The following PTPRD variants were observed in gnomAD, a reference collection of about 807,000 sequenced individuals.
PTPRD encodes the protein protein tyrosine phosphatase receptor type D, also known as receptor-type tyrosine-protein phosphatase delta.
Under a neutral mutation model 214.5 loss-of-function variants are expected in PTPRD, and 34 were observed. The ratio of observed to expected loss-of-function variants is 0.16; its 90% CI spans 0.12 to 0.21. PTPRD has a LOEUF of 0.21. Ranked by LOEUF, PTPRD falls within the 10% of genes least tolerant of loss-of-function variation. The probability of loss-of-function intolerance (pLI) is 1.00; values close to 1 mark genes in which losing one functional copy is unlikely to be tolerated. For missense variants in PTPRD, 2,545 were observed against 2,398.7 expected (o/e 1.06, Z -1.27); for synonymous variants, 1,128 against 845.7 (o/e 1.33, Z -5.79).
intron 3 of PTPRD, among the ~76,000 whole-genome samples, chr9:10,087,767 T>C (rs544908959): frequency 3.3e-5 from 5 of 151,828 alleles, no homozygotes; most frequent in Non-Finnish European, 5.9e-5. Flanking sequence ...GGGAAGCACT[T>C]GGCACCACTA....
intron 2 of PTPRD, among the ~76,000 whole-genome samples, chr9:10,408,782 C>T (rs2098403845): frequency 6.6e-6 from 1 of 151,640 alleles, no homozygotes; most frequent in Non-Finnish European, 1.5e-5. Context: ...ACTCAGTTGA[C>T]CTTTCCAAGT....
chr9:9,584,266 C>A (rs546794176), intron 7 of PTPRD, among the ~76,000 whole-genome samples: 5 of 151,716 alleles, frequency 3.3e-5, no homozygotes, highest in South Asian at 2.1e-4. Flanking sequence ...CTCAAATCTA[C>A]CCAATCTCAT....
At chr9:9,483,882 A>C (rs2095519349) in intron 8 of PTPRD, among the ~76,000 whole-genome samples, 1 of 151,850 alleles carries the variant, frequency 6.6e-6, no homozygotes, top group South Asian at 2.1e-4. Flanking sequence ...AAAATCAACA[A>C]AACAGCAATA....
chr9:9,722,548 T>C (rs577646618), intron 7 of PTPRD, among the ~76,000 whole-genome samples: 2 of 152,210 alleles, frequency 1.3e-5, no homozygotes, highest in South Asian at 4.1e-4. Context: ...AGTTTTTATA[T>C]AGACATATAT....
chr9:10,143,705 C>T (rs996896082), intron 3 of PTPRD, among the ~76,000 whole-genome samples: 1 of 152,106 alleles, frequency 6.6e-6, no homozygotes, highest in Admixed American at 6.6e-5. Flanking sequence ...TACATATACA[C>T]CATGGGACAC....
intron 5 of PTPRD, among the ~76,000 whole-genome samples, chr9:9,774,142 T>C (rs961975244): frequency 3.3e-5 from 5 of 152,166 alleles, no homozygotes; most frequent in African/African-American, 7.2e-5. Flanking sequence ...GAATCAAGAG[T>C]TCCAGGTCAC....
At chr9:9,589,947 G>A (rs918133553) in intron 7 of PTPRD, among the ~76,000 whole-genome samples, 1 of 151,718 alleles carries the variant, frequency 6.6e-6, no homozygotes, top group African/African-American at 2.4e-5. Context: ...TATCCAAAGC[G>A]CTCAAACTAT....
chr9:9,432,154 A>G (rs2083448313), intron 8 of PTPRD, among the ~76,000 whole-genome samples: 1 of 151,478 alleles, frequency 6.6e-6, no homozygotes, highest in Non-Finnish European at 1.5e-5. Flanking sequence ...GAGAAAGTTT[A>G]ATCATGAAGC....
intron 2 of PTPRD, among the ~76,000 whole-genome samples, chr9:10,499,301 T>A (rs1157754124): frequency 6.6e-6 from 1 of 151,918 alleles, no homozygotes; most frequent in African/African-American, 2.4e-5. Flanking sequence ...GTTCTTGTGT[T>A]AGTTTGCCCA....
chr9:10,451,970 A>C (rs1326130435), intron 2 of PTPRD, among the ~76,000 whole-genome samples: 1 of 151,952 alleles, frequency 6.6e-6, no homozygotes, highest in Non-Finnish European at 1.5e-5. Context: ...ATGAAAGCCT[A>C]CCTCTGGAGC....
At chr9:8,429,425 G>A (rs1056915718) in intron 35 of PTPRD, among the ~76,000 whole-genome samples, 13 of 152,058 alleles carry the variant, frequency 8.5e-5, no homozygotes, top group African/African-American at 2.9e-4. Context: ...TAAAAAACAT[G>A]ACCTAAGCAA....
intron 5 of PTPRD, among the ~76,000 whole-genome samples, chr9:9,866,674 T>C (rs2064036784): frequency 6.6e-6 from 1 of 152,172 alleles, no homozygotes; most frequent in Admixed American, 6.5e-5. Flanking sequence ...CTATTGAGAT[T>C]TCTGGGTTGA....
chr9:10,041,338 T>A (rs2097293739), intron 3 of PTPRD, among the ~76,000 whole-genome samples: 1 of 151,944 alleles, frequency 6.6e-6, no homozygotes. Context: ...TAAATAGAAA[T>A]GTGAAATTCA....
intron 12 of PTPRD, among the ~76,000 whole-genome samples, chr9:8,722,088 T>G (rs1345198766): frequency 6.6e-6 from 1 of 151,702 alleles, no homozygotes; most frequent in Non-Finnish European, 1.5e-5. Flanking sequence ...TCAAAAATGT[T>G]AAATAGCTGA....
At chr9:9,737,914 A>G (rs910635382) in intron 6 of PTPRD, among the ~76,000 whole-genome samples, 20 of 152,182 alleles carry the variant, frequency 1.3e-4, no homozygotes, top group Non-Finnish European at 1.5e-5. Flanking sequence ...TGTCTTCCAC[A>G]GCAACTGCAT....
chr9:10,461,774 C>T (rs1046552328), intron 2 of PTPRD, among the ~76,000 whole-genome samples: 2 of 152,034 alleles, frequency 1.3e-5, no homozygotes, highest in South Asian at 2.1e-4. Flanking sequence ...AGGCGTGAGC[C>T]TCCAGGCCCA....
intron 15 of PTPRD, chr9:8,528,298 T>C (rs1050719718): frequency 2.1e-6 from 1 of 469,468 alleles, no homozygotes; most frequent in Non-Finnish European, 3.7e-6. Flanking sequence ...AATGGATCCA[T>C]CAAATACTGC....
chr9:9,301,522 C>T (rs866114178), intron 9 of PTPRD, among the ~76,000 whole-genome samples: 4 of 151,824 alleles, frequency 2.6e-5, no homozygotes. Flanking sequence ...CTGCATCAAG[C>T]TACTAATTCA....
chr9:8,882,879 T>A (rs2098457875), intron 11 of PTPRD, among the ~76,000 whole-genome samples: 1 of 39,168 alleles, frequency 2.6e-5, no homozygotes, highest in Admixed American at 2.2e-4. Context: ...AGCAAGGCTC[T>A]GTCTCAAAAA....
Sources: allele counts gnomAD v4.1 joint callset (sites outside exome capture counted in the v4.1 genomes callset), GRCh38; gene constraint gnomAD v4.1.1; transcripts MANE v1.5; gene names NCBI Gene and HGNC (gene_info 2026-07-23, HGNC 2026-07-21).